The following TENM3 variants were observed in gnomAD, a reference collection of about 807,000 sequenced individuals.
TENM3 encodes teneurin-3.
Under a neutral mutation model 255.1 loss-of-function variants are expected in TENM3, and 63 were observed. The ratio of observed to expected loss-of-function variants is 0.25; its 90% confidence interval spans 0.20 to 0.30. TENM3 has a LOEUF of 0.30. Ranked by LOEUF, TENM3 falls within the 10% of genes least tolerant of loss-of-function variation. The pLI, the probability that TENM3 is intolerant of heterozygous loss-of-function variation, is 1.00. For synonymous variants in TENM3, 1,306 were observed against 1,322.3 expected, an observed-to-expected ratio of 0.99 and a Z score of 0.27; for missense variants, 2,929 against 3,461.1, an observed-to-expected ratio of 0.85 and a Z score of 3.86.
chr4:182,008,672 C>T, the TENM3 span, among the ~76,000 whole-genome samples: 1 of 152,006 alleles, frequency 6.6e-6, no homozygotes, highest in African/African-American at 2.4e-5. Flanking sequence ...GTTGAACATG[C>T]TCCTTTAACT....
rs990682874 is a variant in TENM3, at chr4:182,346,799, C to T, written c.381C>T (p.Ser127=). The change falls in exon 3 of 28, where the codon TCC becomes TCT. Residue 127 remains serine, a synonymous_variant. Transcript: ENST00000511685. ...ATACTGAAAATGAAGCAGTGATGTC[C>T]CCAGAGCATGCCATGAGACTTTGGG... ...DADTENEAVM[S]PEHAMRLWGR... 5 of 1,613,332 alleles carry T rather than the reference C, an allele frequency of 3.1e-6. No homozygotes were observed. The highest frequency in any genetic ancestry group is 4.2e-6 in the Non-Finnish European group (5 of 1,179,728).
the TENM3 span, among the ~76,000 whole-genome samples, chr4:181,466,391 C>T: frequency 6.6e-6 from 1 of 152,114 alleles, no homozygotes; most frequent in Non-Finnish European, 1.5e-5. Flanking sequence ...GCTGGGATTA[C>T]AGGCATGAGC....
At position 182,464,007 on chromosome 4, in the gene TENM3, G is replaced by T. The variant is rs72701917; in HGVS notation, c.511+117078G>T. Among the ~76,000 whole-genome samples the T allele has an allele frequency of 3.7e-4, 56 of 152,108 alleles. 1 individual carries two copies. The highest frequency in any genetic ancestry group is 4.3e-4 in the Non-Finnish European group (29 of 68,010). ...TAAATGTAACAGAGGCTCTTATTAA[G>T]ATTAATACAATAGTAAGGAATAAAT... On this transcript the variant is annotated intron_variant, in intron 3 of 27. Coordinates refer to ENST00000511685, the MANE Select transcript of TENM3 (RefSeq NM_001080477.4).
the TENM3 span, among the ~76,000 whole-genome samples, chr4:181,995,083 G>A: frequency 1.3e-5 from 2 of 152,134 alleles, no homozygotes; most frequent in African/African-American, 4.8e-5. Flanking sequence ...GAGGTCAGGA[G>A]TTCGAGACTA....
intron 3 of TENM3, among the ~76,000 whole-genome samples, chr4:182,347,565 G>A (rs1453890487): frequency 6.6e-6 from 1 of 152,118 alleles, no homozygotes; most frequent in Non-Finnish European, 1.5e-5. Flanking sequence ...ACAAAAATTG[G>A]ATTTTAGGAT....
the TENM3 span, among the ~76,000 whole-genome samples, chr4:181,454,501 C>CT: frequency 2.6e-3 from 397 of 152,152 alleles, 4 homozygotes; most frequent in South Asian, 0.035. Flanking sequence ...TAGGCATGTC[C>CT]TAAGCCTTCA....
At chr4:182,483,082 TCAC>T (rs1156972914) in intron 3 of TENM3, among the ~76,000 whole-genome samples, 1 of 148,004 alleles carries the variant, frequency 6.8e-6, no homozygotes, top group Non-Finnish European at 1.5e-5. Context: ...GAGCATATCA[TCAC>T]CACAATTTCA....
chr4:181,678,128 A>G, the TENM3 span, among the ~76,000 whole-genome samples: 2 of 152,194 alleles, frequency 1.3e-5, no homozygotes, highest in Non-Finnish European at 2.9e-5. Flanking sequence ...AACATTGGTG[A>G]ACAAGAGACA....
chr4:181,763,255 A>G, the TENM3 span, among the ~76,000 whole-genome samples: 1 of 152,324 alleles, frequency 6.6e-6, no homozygotes, highest in Admixed American at 6.5e-5. Flanking sequence ...TCTAAATGGT[A>G]CATGCATTGG....
At chr4:181,631,543 G>A in the TENM3 span, among the ~76,000 whole-genome samples, 1 of 152,088 alleles carries the variant, frequency 6.6e-6, no homozygotes, top group African/African-American at 2.4e-5. Context: ...ACCTGCCTCA[G>A]CCTCCCAAAG....
intron 16 of TENM3, among the ~76,000 whole-genome samples, chr4:182,732,207 CATTT>C (rs1760823492): frequency 1.3e-5 from 2 of 151,864 alleles, no homozygotes; most frequent in African/African-American, 2.4e-5. Flanking sequence ...TGTCTTTGTT[CATTT>C]ATTTATTTAT....
chr4:181,546,357 A>G, the TENM3 span, among the ~76,000 whole-genome samples: 1 of 152,164 alleles, frequency 6.6e-6, no homozygotes, highest in Admixed American at 6.5e-5. Context: ...CATTCTTCTG[A>G]TTAATTTACC....
rs1762785833 is a variant in TENM3, at chr4:182,316,965, C to T, written c.-75-6981C>T. ...GGCACAGCTTAATTGTTTCTCATCT[C>T]TCAGGATTCACTGTCCTTCACTGAC... is the stretch of plus-strand genomic sequence containing the variant. On this transcript the variant is annotated intron_variant, in intron 1 of 27. Coordinates refer to ENST00000511685, the MANE Select transcript of TENM3 (RefSeq NM_001080477.4). 2.0e-5 allele frequency among the ~76,000 whole-genome samples: 3 copies of T among 152,196 alleles called. No homozygotes were observed. In the South Asian group the frequency reaches 6.2e-4, roughly 32 times the overall value.
At chr4:181,483,463 A>G in the TENM3 span, among the ~76,000 whole-genome samples, 1 of 152,136 alleles carries the variant, frequency 6.6e-6, no homozygotes, top group Non-Finnish European at 1.5e-5. Flanking sequence ...ACTCATCTGC[A>G]AGTCTTAGAA....
the TENM3 span, among the ~76,000 whole-genome samples, chr4:181,505,574 C>G: frequency 6.6e-6 from 1 of 152,110 alleles, no homozygotes; most frequent in African/African-American, 2.4e-5. Context: ...ACAGTGATAA[C>G]ACAGCAAACT....
rs888045440 is a variant in TENM3, at chr4:182,321,980, T to A, written c.-75-1966T>A. On this transcript the variant is annotated intron_variant, in intron 1 of 27. Coordinates refer to ENST00000511685, the MANE Select transcript of TENM3 (RefSeq NM_001080477.4). ...ATAATAAATAAATAAATAATACTTC[T>A]CTTTGTTGGAATAAAAAGAGTGAAT... 3.3e-5 allele frequency among the ~76,000 whole-genome samples: 5 copies of A among 152,232 alleles called. No individual in the cohort carries two copies. In the South Asian group the frequency reaches 1.0e-3, roughly 32 times the overall value.
the TENM3 span, among the ~76,000 whole-genome samples, chr4:181,997,376 G>C: frequency 3.9e-5 from 6 of 152,092 alleles, no homozygotes; most frequent in Non-Finnish European, 5.9e-5. Flanking sequence ...TGAGGTGGGC[G>C]AGTATGTACA....
chr4:182,681,353 G>A (rs1756160184), intron 10 of TENM3, among the ~76,000 whole-genome samples: 1 of 152,190 alleles, frequency 6.6e-6, no homozygotes, highest in East Asian at 1.9e-4. Context: ...GTTTTATTGA[G>A]TCAAATTGCT....
chr4:181,779,757 A>G, the TENM3 span, among the ~76,000 whole-genome samples: 1 of 152,044 alleles, frequency 6.6e-6, no homozygotes, highest in Non-Finnish European at 1.5e-5. Context: ...CATTTACATT[A>G]GGTATATCTC....
Sources: gnomAD v4.1 joint callset for allele counts (sites outside exome capture counted in the v4.1 genomes callset) on GRCh38, gnomAD v4.1.1 for gene constraint, MANE v1.5 for transcripts, NCBI Gene and HGNC (gene_info 2026-07-23, HGNC 2026-07-21) for gene names.